Variants in CIMIP6 observed in about 807,000 individuals in gnomAD.
The protein encoded by CIMIP6 is uncharacterized protein C2orf73.
At chr2:54,376,913 C>A in the CIMIP6 span, among the ~76,000 whole-genome samples, 1 of 152,224 alleles carries the variant, frequency 6.6e-6, no homozygotes, top group Non-Finnish European at 1.5e-5. Context: ...AAAGGCACTA[C>A]CTTCCAGGAT....
chr2:54,365,679 G>C, the CIMIP6 span, among the ~76,000 whole-genome samples: 2 of 152,026 alleles, frequency 1.3e-5, no homozygotes, highest in African/African-American at 4.8e-5. Context: ...TGTGCTTCCT[G>C]AACAGCCTGC....
chr2:54,356,096 T>C, the CIMIP6 span, among the ~76,000 whole-genome samples: 1 of 148,512 alleles, frequency 6.7e-6, no homozygotes, highest in African/African-American at 2.5e-5. Context: ...GTCACTCTAC[T>C]AGGCTGGTCA....
At chr2:54,369,635 G>A in the CIMIP6 span, among the ~76,000 whole-genome samples, 10 of 152,286 alleles carry the variant, frequency 6.6e-5, no homozygotes, top group South Asian at 1.2e-3. Context: ...AGGCCAATTC[G>A]TTGGTTACAG....
chr2:54,361,686 C>A, the CIMIP6 span: 1 of 152,104 alleles, frequency 6.6e-6, no homozygotes, highest in African/African-American at 2.4e-5. Context: ...CATATGTAGG[C>A]AACCTTGTTA....
At chr2:54,343,638 A>T in the CIMIP6 span, 2 of 1,001,696 alleles carry the variant, frequency 2.0e-6, no homozygotes, top group African/African-American at 1.7e-5. Context: ...AAATTGAATT[A>T]CTGAATATCC....
the CIMIP6 span, among the ~76,000 whole-genome samples, chr2:54,374,432 G>C: frequency 6.6e-6 from 1 of 152,150 alleles, no homozygotes; most frequent in Admixed American, 6.5e-5. Flanking sequence ...GTCATGGATG[G>C]CATTTTAAAG....
the CIMIP6 span, among the ~76,000 whole-genome samples, chr2:54,370,280 G>GAGAA: frequency 6.6e-6 from 1 of 151,910 alleles, no homozygotes; most frequent in African/African-American, 2.4e-5. Context: ...AAAAAGACAA[G>GAGAA]AGAAAGAAAG....
chr2:54,378,315 A>G, the CIMIP6 span, among the ~76,000 whole-genome samples: 2 of 152,156 alleles, frequency 1.3e-5, no homozygotes, highest in African/African-American at 2.4e-5. Flanking sequence ...CCTGCGAAAA[A>G]TCCCAGCCTC....
the CIMIP6 span, among the ~76,000 whole-genome samples, chr2:54,361,916 C>T: frequency 1.3e-5 from 2 of 152,138 alleles, no homozygotes; most frequent in African/African-American, 4.8e-5. Flanking sequence ...CTGCATAAAG[C>T]TAGAACTCTC....
At chr2:54,356,801 A>G in the CIMIP6 span, among the ~76,000 whole-genome samples, 2 of 152,236 alleles carry the variant, frequency 1.3e-5, no homozygotes, top group Non-Finnish European at 2.9e-5. Flanking sequence ...TGGTAAAGCC[A>G]GAATTTGAAA....
the CIMIP6 span, among the ~76,000 whole-genome samples, chr2:54,379,975 C>A: frequency 7.7e-6 from 1 of 129,280 alleles, no homozygotes; most frequent in Non-Finnish European, 1.6e-5. Context: ...GAAAGTCCTT[C>A]TAAAAAAAAA....
At chr2:54,330,961 G>C in the CIMIP6 span, 1 of 1,613,156 alleles carries the variant, frequency 6.2e-7, no homozygotes, top group East Asian at 2.2e-5. Flanking sequence ...TCGCTGCCTG[G>C]TGCCGTAGAG....
the CIMIP6 span, among the ~76,000 whole-genome samples, chr2:54,370,256 A>G: frequency 6.6e-6 from 1 of 152,110 alleles, no homozygotes; most frequent in Non-Finnish European, 1.5e-5. Context: ...CTCTGTCTCA[A>G]AAAAAGAGAA....
chr2:54,342,940 TCCCC>T, the CIMIP6 span, among the ~76,000 whole-genome samples: 22 of 152,290 alleles, frequency 1.4e-4, no homozygotes, highest in African/African-American at 5.3e-4. Flanking sequence ...GAGTAACAGT[TCCCC>T]TCTCTACTCT....
At chr2:54,381,127 C>T in the CIMIP6 span, among the ~76,000 whole-genome samples, 1 of 152,162 alleles carries the variant, frequency 6.6e-6, no homozygotes, top group African/African-American at 2.4e-5. Flanking sequence ...GATCACATTT[C>T]CCTCTTTCCT....
chr2:54,360,317 A>G, the CIMIP6 span: 1 of 1,611,720 alleles, frequency 6.2e-7, no homozygotes, highest in Non-Finnish European at 8.5e-7. Flanking sequence ...ACAGTCCAAA[A>G]AAACAGAGAA....
the CIMIP6 span, chr2:54,381,945 G>A: frequency 6.5e-7 from 1 of 1,548,704 alleles, no homozygotes; most frequent in African/African-American, 1.4e-5. Context: ...TTTTTTAGGT[G>A]GTTTCATGCC....
At chr2:54,352,496 T>C in the CIMIP6 span, among the ~76,000 whole-genome samples, 3 of 152,332 alleles carry the variant, frequency 2.0e-5, no homozygotes, top group East Asian at 5.8e-4. Context: ...TGTTTTGAAA[T>C]ATACATTGTG....
the CIMIP6 span, among the ~76,000 whole-genome samples, chr2:54,376,123 C>T: frequency 9.2e-5 from 14 of 152,134 alleles, no homozygotes; most frequent in Non-Finnish European, 1.8e-4. Context: ...ACAGCCTCAA[C>T]CTCCCCAACT....
Sources: allele counts gnomAD v4.1 joint callset (sites outside exome capture counted in the v4.1 genomes callset), GRCh38; gene constraint gnomAD v4.1.1; transcripts MANE v1.5; gene names NCBI Gene and HGNC (gene_info 2026-07-23, HGNC 2026-07-21).